KLRD1: variants seen among roughly 807,000 people sequenced by gnomAD.
The protein encoded by KLRD1 is natural killer cells antigen CD94.
Under a neutral mutation model 22.6 loss-of-function variants are expected in KLRD1, and 21 were observed. The ratio of observed to expected loss-of-function variants is 0.93; its 90% CI spans 0.66 to 1.34. The LOEUF (loss-of-function observed/expected upper bound fraction) is 1.34, where lower values mean the gene tolerates loss of function less well. Among genes scored for constraint, KLRD1 ranks in the 40% most tolerant of loss-of-function variants. The pLI, the probability that KLRD1 is intolerant of heterozygous loss-of-function variation, is 0.00. For missense variants in KLRD1, 183 were observed against 208.6 expected, an observed-to-expected ratio of 0.88 and a Z score of 0.76; for synonymous variants, 59 against 71.1, an observed-to-expected ratio of 0.83 and a Z score of 0.85.
chr12:10,313,017 T>C (rs1210259338), intron 4 of KLRD1, among the ~76,000 whole-genome samples: 1 of 151,824 alleles, frequency 6.6e-6, no homozygotes, highest in Non-Finnish European at 1.5e-5. Flanking sequence ...AGCGAAAAAC[T>C]TCTCCTGCTG....
chr12:10,302,929 G>A (rs1413804541), upstream of KLRD1, among the ~76,000 whole-genome samples: 2 of 152,104 alleles, frequency 1.3e-5, no homozygotes, highest in Admixed American at 6.6e-5. Context: ...TCCTAACCTC[G>A]TGACCTTTTT....
At chr12:10,311,146 C>G (rs1950058103) in intron 3 of KLRD1, among the ~76,000 whole-genome samples, 1 of 152,004 alleles carries the variant, frequency 6.6e-6, no homozygotes, top group Admixed American at 6.6e-5. Context: ...TTGTAACTGC[C>G]CCTCATCTTA....
intron 1 of KLRD1, among the ~76,000 whole-genome samples, chr12:10,240,936 C>T (rs10845081): frequency 0.63 from 95,123 of 151,996 alleles, 30,587 homozygotes; most frequent in Admixed American, 0.76. Flanking sequence ...ATTGCACCTC[C>T]GTATGTAGTT....
chr12:10,302,427 T>G (rs7297895), upstream of KLRD1, among the ~76,000 whole-genome samples: 2,584 of 152,280 alleles, frequency 0.017, 71 homozygotes, highest in African/African-American at 0.058. Flanking sequence ...TCCCTTCTCA[T>G]GCAATCACCC....
chr12:10,290,311 C>T (rs1178586041), intron 1 of KLRD1, among the ~76,000 whole-genome samples: 1 of 152,076 alleles, frequency 6.6e-6, no homozygotes, highest in Non-Finnish European at 1.5e-5. Flanking sequence ...TGGGAAAGGC[C>T]AGAGCAAGAC....
At chr12:10,251,183 G>C (rs1456470488) in intron 1 of KLRD1, among the ~76,000 whole-genome samples, 2 of 152,082 alleles carry the variant, frequency 1.3e-5, no homozygotes, top group Non-Finnish European at 2.9e-5. Context: ...GGAGTGCAGT[G>C]GTGCGATCCT....
At position 10,323,341 on chromosome 12, in the gene KLRD1, T is replaced by C. The variant is rs1950327633; in HGVS notation, c.*8548T>C. 6.6e-6 allele frequency: 1 copy of C among 152,224 alleles called. No individual in the cohort carries two copies. Among genetic ancestry groups the C allele is most frequent in the Admixed American group, 6.5e-5 (1 of 15,278 alleles). The allele number at this position is 152,224 out of a possible 1,614,324, so 9.4% of individuals were successfully genotyped here. ...TGACAATACATAGTATTATGAATTA[T>C]TTTAGTCTAAGGACCTTCTGGATAC... On this transcript the variant is annotated 3_prime_UTR_variant, in exon 6 of 6. Transcript: ENST00000336164.
intron 1 of KLRD1, among the ~76,000 whole-genome samples, chr12:10,253,646 A>C (rs952697873): frequency 1.1e-4 from 17 of 152,008 alleles, no homozygotes; most frequent in African/African-American, 4.1e-4. Flanking sequence ...TTTAGCTCCC[A>C]CTTATAAATG....
intron 1 of KLRD1, among the ~76,000 whole-genome samples, chr12:10,240,995 GTAGA>G (rs373698994): frequency 4.1e-4 from 62 of 152,250 alleles, no homozygotes; most frequent in African/African-American, 1.4e-3. Context: ...TGGTAGCAAG[GTAGA>G]TACTTGGTAA....
chr12:10,282,214 G>T (rs1949650880), intron 1 of KLRD1, among the ~76,000 whole-genome samples: 1 of 150,820 alleles, frequency 6.6e-6, no homozygotes, highest in Non-Finnish European at 1.5e-5. Context: ...TCTCCATAAA[G>T]TTACAAATAT....
intron 1 of KLRD1, among the ~76,000 whole-genome samples, chr12:10,275,457 G>A (rs993613111): frequency 5.3e-5 from 8 of 152,114 alleles, no homozygotes; most frequent in African/African-American, 1.9e-4. Flanking sequence ...CTTTTTAACC[G>A]GTGGTGGTGT....
chr12:10,239,065 C>G (rs1301129273), intron 1 of KLRD1, among the ~76,000 whole-genome samples: 2 of 152,154 alleles, frequency 1.3e-5, no homozygotes, highest in African/African-American at 4.8e-5. Flanking sequence ...TAACTTTCAC[C>G]AAAGACTTTT....
chr12:10,290,376 G>A (rs979710435), intron 1 of KLRD1, among the ~76,000 whole-genome samples: 51 of 152,130 alleles, frequency 3.4e-4, no homozygotes, highest in African/African-American at 1.1e-3. Flanking sequence ...ATAGGAAGCT[G>A]GCTATTTAAT....
chr12:10,242,512 A>G (rs1175129232), intron 1 of KLRD1, among the ~76,000 whole-genome samples: 1 of 152,172 alleles, frequency 6.6e-6, no homozygotes, highest in Non-Finnish European at 1.5e-5. Flanking sequence ...GAGTGCAGAT[A>G]TATCTTCAAC....
At chr12:10,302,314 G>A (rs967916356), upstream of KLRD1, among the ~76,000 whole-genome samples, 3 of 152,178 alleles carry the variant, frequency 2.0e-5, no homozygotes, top group African/African-American at 4.8e-5. Flanking sequence ...TATACAGAAC[G>A]TGGGTTGTTT....
In KLRD1 at chr12:10,279,316, G is replaced by A. The variant is rs541787204; in HGVS notation, c.-100-28662G>A. Among the ~76,000 whole-genome samples, 19 of 152,268 alleles carry A rather than the reference G, an allele frequency of 1.2e-4. 1 individual carries two copies. The South Asian group carries it at 3.9e-3, about 32-fold the overall frequency. ...CAGCTTCATCCATGTTGCTGCAAAA[G>A]ACATGATCTCATTCTTTTATGTGGC... On this transcript the variant is annotated intron_variant, in intron 1 of 5. Transcript: ENST00000544747.
intron 1 of KLRD1, among the ~76,000 whole-genome samples, chr12:10,239,575 CTTTCTTTCTT>C (rs1565443498): frequency 4.2e-4 from 49 of 117,444 alleles, no homozygotes; most frequent in African/African-American, 1.5e-3. Context: ...TTCTTTCTTT[CTTTCTTTCTT>C]TTTCTTTCTT....
In KLRD1 at chr12:10,242,193, G is replaced by C. The variant is rs1441174579; in HGVS notation, c.-101+15960G>C. 2.1e-5 allele frequency among the ~76,000 whole-genome samples: 3 copies of C among 144,100 alleles called. No homozygotes were observed. The East Asian group carries it at 6.5e-4, about 31-fold the overall frequency. 94.5% of individuals were successfully genotyped at this position (144,100 alleles called of 152,430 possible). ...AATTTCTCATTCAACACTCCATTTT[G>C]ATTTGTCTTCTGAAGTGTTGACCAT... On this transcript the variant is annotated intron_variant, in intron 1 of 5. Coordinates refer to the KLRD1 transcript ENST00000544747.
intron 1 of KLRD1, among the ~76,000 whole-genome samples, chr12:10,250,592 G>T (rs901393781): frequency 6.6e-6 from 1 of 151,784 alleles, no homozygotes; most frequent in Non-Finnish European, 1.5e-5. Context: ...AGAGCAGCTG[G>T]GACTACAGGC....
Sources: gnomAD v4.1 joint callset for allele counts (sites outside exome capture counted in the v4.1 genomes callset) on GRCh38, gnomAD v4.1.1 for gene constraint, MANE v1.5 for transcripts, NCBI Gene and HGNC (gene_info 2026-07-23, HGNC 2026-07-21) for gene names.